DACH1: variants seen among roughly 807,000 people sequenced by gnomAD.
DACH1 encodes dachshund homolog 1.
A neutral mutation model predicts 54.2 loss-of-function variants in DACH1; 12 were observed. The observed-to-expected ratio is 0.22, with a 90% CI of 0.14 to 0.36. The LOEUF (loss-of-function observed/expected upper bound fraction) is 0.36. DACH1 is among the 10% of genes least tolerant of loss of function. The pLI is 1.00. For synonymous variants in DACH1, 386 were observed against 366.2 expected, an observed-to-expected ratio of 1.05 and a Z score of -0.62; for missense variants, 805 against 929.8, an observed-to-expected ratio of 0.87 and a Z score of 1.75.
At chr13:71,814,377 A>T (rs376960585) in intron 1 of DACH1, among the ~76,000 whole-genome samples, 1 of 152,260 alleles carries the variant, frequency 6.6e-6, no homozygotes, top group Admixed American at 6.5e-5. Context: ...CTTCCTTCAC[A>T]TAATTTACTA....
chr13:71,764,961 T>C (rs1298166648), intron 1 of DACH1, among the ~76,000 whole-genome samples: 1 of 152,204 alleles, frequency 6.6e-6, no homozygotes. Context: ...TTCCTAAAAG[T>C]AGATATTACT....
chr13:71,612,186 C>T (rs755851611), intron 3 of DACH1, among the ~76,000 whole-genome samples: 19 of 152,014 alleles, frequency 1.2e-4, no homozygotes, highest in African/African-American at 4.1e-4. Flanking sequence ...GAAATCTCAA[C>T]GCTGTATATA....
At chr13:71,754,579 G>T (rs1885063923) in intron 1 of DACH1, among the ~76,000 whole-genome samples, 1 of 152,148 alleles carries the variant, frequency 6.6e-6, no homozygotes, top group Admixed American at 6.6e-5. Flanking sequence ...TGACCCAACA[G>T]CTGTCAGACT....
chr13:71,533,257 A>G (rs900592097), intron 6 of DACH1, among the ~76,000 whole-genome samples: 3 of 151,972 alleles, frequency 2.0e-5, no homozygotes, highest in Non-Finnish European at 4.4e-5. Flanking sequence ...TTTTAGAGAA[A>G]TATTTTCTCC....
At chr13:71,517,094 C>T (rs1881218648) in intron 6 of DACH1, among the ~76,000 whole-genome samples, 1 of 151,640 alleles carries the variant, frequency 6.6e-6, no homozygotes, top group Admixed American at 6.6e-5. Context: ...TAAAAATTAT[C>T]ACTAGAAAGT....
chr13:71,560,084 T>C (rs1391407617), intron 4 of DACH1, 129 bp from the exon 5 acceptor site: 6 of 1,057,906 alleles, frequency 5.7e-6, no homozygotes. Context: ...TTCATCAGCA[T>C]TTAACTGTAC....
At position 71,440,690 on chromosome 13, in the gene DACH1, C is replaced by T. The variant is rs908492474; in HGVS notation, c.2086G>A (p.Gly696Arg). 2 of 1,601,560 alleles carry T rather than the reference C, an allele frequency of 1.2e-6. No homozygotes were observed. The highest frequency in any genetic ancestry group is 1.7e-5 in the Admixed American group (1 of 58,318). ...RTDAERTIQD[G>R]RLYLKTTVMY is the part of the protein sequence containing the mutation. ...ACAGTAGTTTTCAAATACAGTCTTC[C>T]ATCTAGAAATGAACAGTGAAAAATT... The change falls in exon 11 of 11, where the codon GGA becomes AGA. Residue 696 changes from glycine to arginine, a missense_variant and splice_region_variant. This residue lies in a region of DACH1 where 472 missense variants were observed against 545.3 expected (regional missense o/e 0.87). Coordinates refer to ENST00000613252, the MANE Select transcript of DACH1 (RefSeq NM_080759.6).
At chr13:71,598,291 G>C (rs2138482730) in intron 3 of DACH1, among the ~76,000 whole-genome samples, 1 of 152,122 alleles carries the variant, frequency 6.6e-6, no homozygotes, top group Admixed American at 6.5e-5. Context: ...GTCTAGCTCT[G>C]TTGCCCACCC....
intron 6 of DACH1, among the ~76,000 whole-genome samples, chr13:71,546,264 A>G (rs1003193810): frequency 6.6e-6 from 1 of 152,012 alleles, no homozygotes; most frequent in African/African-American, 2.4e-5. Flanking sequence ...ATTCTCAAGC[A>G]CTTGTGCACC....
chr13:71,527,477 A>C (rs970360423), intron 6 of DACH1, among the ~76,000 whole-genome samples: 19 of 152,230 alleles, frequency 1.2e-4, no homozygotes, highest in African/African-American at 3.6e-4. Context: ...TTTGATAACT[A>C]AGATGGCATG....
At chr13:71,657,017 C>T (rs1176407634) in intron 2 of DACH1, among the ~76,000 whole-genome samples, 3 of 144,206 alleles carry the variant, frequency 2.1e-5, no homozygotes, top group Non-Finnish European at 4.6e-5. Flanking sequence ...TATATATACA[C>T]ACACACACAT....
At chr13:71,659,727 A>G (rs1348858522) in intron 2 of DACH1, among the ~76,000 whole-genome samples, 1 of 152,148 alleles carries the variant, frequency 6.6e-6, no homozygotes, top group Admixed American at 6.6e-5. Context: ...AAGGCAACAT[A>G]AAAAGCAACT....
chr13:71,655,619 C>T (rs1281091592), intron 2 of DACH1, among the ~76,000 whole-genome samples: 2 of 152,012 alleles, frequency 1.3e-5, no homozygotes, highest in South Asian at 2.1e-4. Context: ...GATCTGCCCA[C>T]CTCTGCCTCC....
chr13:71,483,269 T>G (rs924762822), intron 7 of DACH1, among the ~76,000 whole-genome samples: 1 of 150,496 alleles, frequency 6.6e-6, no homozygotes, highest in Non-Finnish European at 1.5e-5. Flanking sequence ...GGCCAATATA[T>G]TTGATATTAG....
At chr13:71,668,607 C>G (rs1021324264) in intron 2 of DACH1, among the ~76,000 whole-genome samples, 1 of 151,452 alleles carries the variant, frequency 6.6e-6, no homozygotes, top group Admixed American at 6.6e-5. Context: ...TTGAAAAATA[C>G]AAAACAAAAT....
chr13:71,781,289 G>T (rs556300603), intron 1 of DACH1, among the ~76,000 whole-genome samples: 1 of 152,254 alleles, frequency 6.6e-6, no homozygotes, highest in East Asian at 1.9e-4. Context: ...GGAAGCAACT[G>T]TAACTCACCT....
chr13:71,733,341 C>T (rs906457037), intron 1 of DACH1, among the ~76,000 whole-genome samples: 3 of 151,794 alleles, frequency 2.0e-5, no homozygotes, highest in Admixed American at 6.6e-5. Context: ...TTTTTGTTTG[C>T]TTGTTTGTTT....
chr13:71,844,579 A>G (rs886625601), intron 1 of DACH1, among the ~76,000 whole-genome samples: 4 of 152,200 alleles, frequency 2.6e-5, no homozygotes, highest in African/African-American at 7.2e-5. Context: ...TTTATACATG[A>G]TCTTTTGTGA....
chr13:71,807,440 A>AAAAAAC (rs61175206), intron 1 of DACH1, among the ~76,000 whole-genome samples: 1 of 150,726 alleles, frequency 6.6e-6, no homozygotes. Flanking sequence ...AAAAAAAAAA[A>AAAAAAC]TCCTCAATAT....
Sources: gnomAD v4.1 joint callset for allele counts (sites outside exome capture counted in the v4.1 genomes callset) on GRCh38, gnomAD v4.1.1 for gene constraint, gnomAD v4.1.1 regional missense constraint, MANE v1.5 for transcripts, NCBI Gene and HGNC (gene_info 2026-07-23, HGNC 2026-07-21) for gene names.